SMYD3: variants seen among roughly 807,000 people sequenced by gnomAD.
SMYD3 encodes histone-lysine N-methyltransferase SMYD3.
SMYD3 carries 36 observed loss-of-function variants against 57.7 expected under a neutral mutation model. The observed-to-expected ratio is 0.62, with a 90% CI of 0.48 to 0.82. The LOEUF (loss-of-function observed/expected upper bound fraction) is 0.82. SMYD3 is among the 40% of genes least tolerant of loss of function. The pLI, the probability that SMYD3 is intolerant of heterozygous loss-of-function variation, is 0.00. For missense variants in SMYD3, 515 were observed against 538.8 expected (o/e 0.96, Z 0.44); for synonymous variants, 211 against 195.0 (o/e 1.08, Z -0.68).
chr1:246,187,035 G>T, intron 5 of SMYD3: 1 of 635,652 alleles, frequency 1.6e-6, no homozygotes, highest in Non-Finnish European at 2.0e-6. Flanking sequence ...TAGATAACGA[G>T]GTGATGTGCT....
chr1:246,154,320 T>C (rs1356169112), intron 5 of SMYD3, among the ~76,000 whole-genome samples: 2 of 152,198 alleles, frequency 1.3e-5, no homozygotes, highest in East Asian at 3.8e-4. Context: ...AAAGGTGTAA[T>C]GTTCTAGCTG....
Position 246,061,914 on chromosome 1 carries a change from A to C in SMYD3, c.532-131977T>G, listed in dbSNP as rs2060260125. 2.0e-5 allele frequency among the ~76,000 whole-genome samples: 3 copies of C among 152,138 alleles called. No individual in the cohort carries two copies. The South Asian group carries it at 6.2e-4, about 32-fold the overall frequency. ...CTCAGAGTTTCTAAACCAAAGATTG[A>C]ATTCTTATTTTTCTTCATGGAGGGA... On this transcript the variant is annotated intron_variant, in intron 5 of 11. Transcript: ENST00000490107.
intron 5 of SMYD3, among the ~76,000 whole-genome samples, chr1:246,067,924 T>C (rs1384022064): frequency 1.3e-5 from 2 of 151,976 alleles, no homozygotes; most frequent in African/African-American, 2.4e-5. Flanking sequence ...ACCGACTGAG[T>C]AGCTGCTGCA....
chr1:245,783,676 A>G (rs1477317801), intron 10 of SMYD3, among the ~76,000 whole-genome samples: 3 of 152,248 alleles, frequency 2.0e-5, no homozygotes, highest in African/African-American at 7.2e-5. Flanking sequence ...TCTAGATCTA[A>G]TAAGTGAATT....
intron 7 of SMYD3, among the ~76,000 whole-genome samples, chr1:245,926,041 G>A (rs2056348730): frequency 1.3e-5 from 2 of 152,108 alleles, no homozygotes; most frequent in Non-Finnish European, 1.5e-5. Flanking sequence ...ATCTGGGGAG[G>A]GCCTTCTTGC....
intron 8 of SMYD3, among the ~76,000 whole-genome samples, chr1:245,864,553 C>T (rs771837885): frequency 6.6e-6 from 1 of 152,102 alleles, no homozygotes; most frequent in Non-Finnish European, 1.5e-5. Flanking sequence ...ATGACATGCC[C>T]AGAAGAGGCA....
At chr1:246,148,195 T>A (rs1275938403) in intron 5 of SMYD3, among the ~76,000 whole-genome samples, 4 of 152,094 alleles carry the variant, frequency 2.6e-5, no homozygotes, top group Admixed American at 6.5e-5. Flanking sequence ...CGGCAGGAAC[T>A]TCCTCCCCTC....
At chr1:246,127,761 T>C (rs1279313917) in intron 5 of SMYD3, among the ~76,000 whole-genome samples, 1 of 152,024 alleles carries the variant, frequency 6.6e-6, no homozygotes, top group Admixed American at 6.6e-5. Flanking sequence ...CCAGGCATGA[T>C]AGCGCGTGCC....
At chr1:245,979,163 T>G (rs956334608) in intron 5 of SMYD3, among the ~76,000 whole-genome samples, 1 of 152,076 alleles carries the variant, frequency 6.6e-6, no homozygotes, top group Non-Finnish European at 1.5e-5. Context: ...CAGAAATAGC[T>G]TGAAGAAAGA....
At chr1:245,977,549 CAT>C (rs2058479951) in intron 5 of SMYD3, among the ~76,000 whole-genome samples, 2 of 152,232 alleles carry the variant, frequency 1.3e-5, no homozygotes, top group East Asian at 1.9e-4. Context: ...TGTGGTGGTG[CAT>C]GCCTGTAATC....
At chr1:246,060,274 C>A (rs1015984622) in intron 5 of SMYD3, among the ~76,000 whole-genome samples, 1 of 150,976 alleles carries the variant, frequency 6.6e-6, no homozygotes, top group Non-Finnish European at 1.5e-5. Context: ...GGCAACAGAG[C>A]GAGACTGTCT....
intron 3 of SMYD3, among the ~76,000 whole-genome samples, chr1:246,334,676 C>T (rs1380365126): frequency 6.6e-6 from 1 of 152,078 alleles, no homozygotes; most frequent in African/African-American, 2.4e-5. Context: ...TGCAATATAC[C>T]CATGTAACAA....
At chr1:245,885,636 A>G (rs1572593510) in intron 8 of SMYD3, among the ~76,000 whole-genome samples, 1 of 152,128 alleles carries the variant, frequency 6.6e-6, no homozygotes, top group African/African-American at 2.4e-5. Flanking sequence ...GTCTTTCTTT[A>G]AAGTCTTACT....
chr1:246,328,056 T>C (rs967098902), intron 4 of SMYD3, among the ~76,000 whole-genome samples: 3 of 152,004 alleles, frequency 2.0e-5, no homozygotes, highest in African/African-American at 7.2e-5. Context: ...CAGCAGGGCG[T>C]GGTGGTGTGC....
chr1:246,340,036 A>T (rs544171816), intron 2 of SMYD3, among the ~76,000 whole-genome samples: 2 of 152,340 alleles, frequency 1.3e-5, no homozygotes, highest in East Asian at 3.9e-4. Context: ...GCATTCCATG[A>T]GTAGCTAAAG....
intron 1 of SMYD3, among the ~76,000 whole-genome samples, chr1:246,495,198 A>C (rs2068339218): frequency 6.6e-6 from 1 of 151,818 alleles, no homozygotes; most frequent in African/African-American, 2.4e-5. Context: ...AAATACAAAA[A>C]ATTAGCCAGG....
intron 5 of SMYD3, among the ~76,000 whole-genome samples, chr1:246,210,745 A>G (rs962044789): frequency 6.6e-6 from 1 of 152,016 alleles, no homozygotes; most frequent in South Asian, 2.1e-4. Context: ...AATTGGCTCT[A>G]CAAATCCATT....
chr1:246,280,270 A>G (rs946906125), intron 5 of SMYD3, among the ~76,000 whole-genome samples: 6 of 152,262 alleles, frequency 3.9e-5, no homozygotes, highest in African/African-American at 7.2e-5. Context: ...ATAGGCACAA[A>G]GTATTATTTT....
At chr1:245,763,445 G>A (rs1402200727) in intron 11 of SMYD3, among the ~76,000 whole-genome samples, 2 of 152,198 alleles carry the variant, frequency 1.3e-5, no homozygotes, top group East Asian at 3.9e-4. Context: ...GATCAGCAGA[G>A]TCCTGCCAAG....
Sources: gnomAD v4.1 joint callset for allele counts (sites outside exome capture counted in the v4.1 genomes callset) on GRCh38, gnomAD v4.1.1 for gene constraint, MANE v1.5 for transcripts, NCBI Gene and HGNC (gene_info 2026-07-23, HGNC 2026-07-21) for gene names.